Variants in SIK3 observed in about 807,000 individuals in gnomAD.
The protein encoded by SIK3 is SIK family kinase 3, also known as serine/threonine-protein kinase SIK3.
Under a neutral mutation model 144.2 loss-of-function variants are expected in SIK3, and 28 were observed. That is an observed-to-expected ratio of 0.19 (90% confidence interval 0.14 to 0.27). SIK3 has a LOEUF of 0.27. Among genes scored for constraint, SIK3 ranks in the 10% least tolerant of loss-of-function variants. The probability of loss-of-function intolerance (pLI) is 1.00; values close to 1 mark genes in which losing one functional copy is unlikely to be tolerated. For missense variants in SIK3, 1,319 were observed against 1,776.0 expected (o/e 0.74, Z 4.62); for synonymous variants, 686 against 676.3 (o/e 1.01, Z -0.22).
At chr11:117,089,392 G>A (rs189257033) in intron 1 of SIK3, among the ~76,000 whole-genome samples, 92 of 147,598 alleles carry the variant, frequency 6.2e-4, no homozygotes, top group African/African-American at 1.9e-3. Context: ...GGGCAACAGA[G>A]TGAGACTCCG....
intron 1 of SIK3, among the ~76,000 whole-genome samples, chr11:117,045,075 C>G (rs1430988922): frequency 6.6e-6 from 1 of 152,148 alleles, no homozygotes; most frequent in Non-Finnish European, 1.5e-5. Context: ...GATGTTAAAC[C>G]ATCACAAGCT....
chr11:116,987,302 G>T (rs1309600957), intron 1 of SIK3, among the ~76,000 whole-genome samples: 5 of 137,044 alleles, frequency 3.6e-5, no homozygotes, highest in Non-Finnish European at 7.7e-5. Context: ...TGTGTGTATT[G>T]TATGTCTTCA....
intron 4 of SIK3, among the ~76,000 whole-genome samples, chr11:116,917,867 A>AAAGGAAAGGAAAGGAAAGGAAAGGG (rs778389952): frequency 2.0e-5 from 3 of 151,740 alleles, no homozygotes; most frequent in Non-Finnish European, 4.4e-5. Flanking sequence ...AAAGGAAAGG[A>AAAGGAAAGGAAAGGAAAGGAAAGGG]AAGGGAGAAA....
chr11:116,875,757 G>C (rs1165543225), intron 9 of SIK3, 109 bp downstream of exon 9: 5 of 1,302,126 alleles, frequency 3.8e-6, no homozygotes, highest in East Asian at 2.3e-5. Context: ...GGAGGAGACA[G>C]AGGTAAGGAA....
At chr11:116,920,183 C>T (rs1174798840) in intron 4 of SIK3, among the ~76,000 whole-genome samples, 1 of 148,464 alleles carries the variant, frequency 6.7e-6, no homozygotes, top group Non-Finnish European at 1.5e-5. Flanking sequence ...TCAAATAGAC[C>T]TTGTGCATTC....
chr11:116,953,404 C>T (rs1266115534), intron 3 of SIK3, among the ~76,000 whole-genome samples: 1 of 152,026 alleles, frequency 6.6e-6, no homozygotes, highest in Non-Finnish European at 1.5e-5. Context: ...CTACTTGGCT[C>T]CATTTATCAC....
At chr11:116,947,167 A>ATATATAATAT (rs1565486957) in intron 3 of SIK3, among the ~76,000 whole-genome samples, 1 of 118,382 alleles carries the variant, frequency 8.4e-6, no homozygotes, top group Non-Finnish European at 1.6e-5. Context: ...ATTATATATA[A>ATATATAATAT]ATTATTATTT....
chr11:116,856,063 G>A (rs190917523), intron 21 of SIK3, among the ~76,000 whole-genome samples: 5 of 152,214 alleles, frequency 3.3e-5, no homozygotes, highest in African/African-American at 1.2e-4. Context: ...CGGGCGTGGT[G>A]GCGGGCACAT....
In SIK3 at chr11:116,859,401, T is replaced by A; in HGVS notation, c.2629A>T (p.Ser877Cys). Residue 877 changes from serine to cysteine, a missense_variant, in exon 20 of 25, where the codon AGT becomes TGT. Coordinates refer to ENST00000445177, the MANE Select transcript of SIK3 (RefSeq NM_001366686.3). ...GGGCTGATGGAGATGCCGCGCCCACTGGAGCCTGCAGCTGTGCCTGGCATG... is the reference window on the plus strand; with the variant it reads ...GGGCTGATGGAGATGCCGCGCCCACAGGAGCCTGCAGCTGTGCCTGGCATG... The part of the protein sequence containing the change: ...SNMPGTAAGS[S>C]GRGISISPSA... 1 of 1,614,222 alleles carries A rather than the reference T, an allele frequency of 6.2e-7. No homozygotes were observed. Among genetic ancestry groups the A allele is most frequent in the Non-Finnish European group, 8.5e-7 (1 of 1,180,040 alleles).
chr11:116,923,684 C>T (rs1947126345), intron 4 of SIK3, among the ~76,000 whole-genome samples: 1 of 152,046 alleles, frequency 6.6e-6, no homozygotes, highest in Non-Finnish European at 1.5e-5. Context: ...CTGTTTTGCT[C>T]TTAAAACAAA....
intron 1 of SIK3, among the ~76,000 whole-genome samples, chr11:117,044,428 A>C (rs1030329744): frequency 2.6e-5 from 4 of 152,168 alleles, no homozygotes; most frequent in African/African-American, 7.2e-5. Context: ...ACTAAATTTT[A>C]ATTATGATTC....
At chr11:116,902,710 G>C (rs187523386) in intron 4 of SIK3, among the ~76,000 whole-genome samples, 3 of 152,176 alleles carry the variant, frequency 2.0e-5, no homozygotes, top group Admixed American at 6.5e-5. Context: ...GAAACCTGTC[G>C]AGAGGTCTTC....
At chr11:117,025,083 G>C (rs1951954959) in intron 1 of SIK3, among the ~76,000 whole-genome samples, 1 of 152,090 alleles carries the variant, frequency 6.6e-6, no homozygotes, top group African/African-American at 2.4e-5. Flanking sequence ...ACATGCAGTA[G>C]TTTCTCAACT....
chr11:117,096,093 A>C (rs1238551048), intron 1 of SIK3, among the ~76,000 whole-genome samples: 1 of 152,246 alleles, frequency 6.6e-6, no homozygotes, highest in Non-Finnish European at 1.5e-5. Flanking sequence ...CATGAAAATT[A>C]GAAAGCGGGC....
intron 1 of SIK3, among the ~76,000 whole-genome samples, chr11:117,040,636 AGAG>A (rs1359285628): frequency 1.3e-5 from 2 of 152,206 alleles, no homozygotes; most frequent in Admixed American, 6.5e-5. Context: ...TACAAAAAGT[AGAG>A]GAGAACATTC....
intron 3 of SIK3, among the ~76,000 whole-genome samples, chr11:116,947,570 T>TGTATGTATGTA (rs752553527): frequency 6.7e-3 from 94 of 14,114 alleles, no homozygotes; most frequent in African/African-American, 0.017. Context: ...TATGTATGTA[T>TGTATGTATGTA]TTTTTTTTTT....
intron 1 of SIK3, among the ~76,000 whole-genome samples, chr11:116,964,361 A>AG (rs1949448878): frequency 6.6e-6 from 1 of 152,238 alleles, no homozygotes; most frequent in African/African-American, 2.4e-5. Flanking sequence ...TCAAGTACTA[A>AG]GGGGCAAAAC....
intron 1 of SIK3, among the ~76,000 whole-genome samples, chr11:117,027,877 A>G (rs1212767240): frequency 2.0e-5 from 3 of 152,226 alleles, no homozygotes; most frequent in African/African-American, 7.2e-5. Context: ...CAACCAAATT[A>G]TAGCAAAACC....
intron 1 of SIK3, among the ~76,000 whole-genome samples, chr11:117,094,691 G>A (rs543238476): frequency 3.3e-5 from 5 of 151,960 alleles, no homozygotes; most frequent in Non-Finnish European, 5.9e-5. Flanking sequence ...GGTATAATTA[G>A]GCACAGGCAA....
Sources: allele counts gnomAD v4.1 joint callset (sites outside exome capture counted in the v4.1 genomes callset), GRCh38; gene constraint gnomAD v4.1.1; transcripts MANE v1.5; gene names NCBI Gene and HGNC (gene_info 2026-07-23, HGNC 2026-07-21).